Variants in SYTL2 observed in about 807,000 individuals in gnomAD.
SYTL2 encodes synaptotagmin like 2.
SYTL2 carries 165 observed loss-of-function variants against 198.7 expected under a neutral mutation model. The observed-to-expected ratio is 0.83, with a 90% CI of 0.73 to 0.94. The LOEUF is 0.94. Among genes scored for constraint, SYTL2 ranks in the 40% least tolerant of loss-of-function variants. The probability of loss-of-function intolerance (pLI) is 0.00; values close to 1 mark genes in which losing one functional copy is unlikely to be tolerated. For missense variants in SYTL2, 2,835 were observed against 2,582.8 expected, an observed-to-expected ratio of 1.10 and a Z score of -2.12; for synonymous variants, 966 against 917.7, an observed-to-expected ratio of 1.05 and a Z score of -0.95.
rs2089322245 is a variant in SYTL2 at position 85,727,413 on chromosome 11, A to G, written c.1945T>C (p.Tyr649His). ...CCTGGGCTTTTTGAATCTTGGCTAT[A>G]GTCCATATTTTTACTCCCTTGACTT... ...TPSQGSKNMD[Y>H]SQDSKSPGKG... Residue 649 changes from tyrosine (Y) to histidine (H), a missense_variant, in exon 8 of 20, where the codon TAT (tyrosine) becomes CAT (histidine). By Grantham distance (83) the Tyr-to-His change is moderately conservative. Transcript: ENST00000359152. 1.3e-6 allele frequency: 2 copies of G among 1,536,238 alleles called. No individual in the cohort carries two copies. Among genetic ancestry groups the G allele is most frequent in the African/African-American group, 2.7e-5 (2 of 73,046 alleles).
intron 4 of SYTL2, among the ~76,000 whole-genome samples, chr11:85,738,087 AAC>A (rs974486896): frequency 3.3e-5 from 5 of 152,076 alleles, no homozygotes; most frequent in Admixed American, 2.6e-4. Flanking sequence ...GAGCTTGGAA[AAC>A]ACCTTAGTTT....
At chr11:85,762,680 T>A (rs1480591555) in intron 1 of SYTL2, among the ~76,000 whole-genome samples, 1 of 152,214 alleles carries the variant, frequency 6.6e-6, no homozygotes, top group Non-Finnish European at 1.5e-5. Context: ...TGGAACAGCA[T>A]TTCCCTGGTT....
intron 7 of SYTL2, among the ~76,000 whole-genome samples, chr11:85,729,158 A>G (rs1220858310): frequency 6.6e-6 from 1 of 152,166 alleles, no homozygotes; most frequent in African/African-American, 2.4e-5. Context: ...TTAACACCCC[A>G]CTGTCAATAT....
chr11:85,760,795 G>A (rs2092075312), intron 1 of SYTL2, among the ~76,000 whole-genome samples: 1 of 152,148 alleles, frequency 6.6e-6, no homozygotes, highest in Admixed American at 6.5e-5. Flanking sequence ...AGCTCTGAGG[G>A]TTAAAATTTC....
chr11:85,799,727 G>C (rs1407652615), intron 1 of SYTL2, among the ~76,000 whole-genome samples: 2 of 152,038 alleles, frequency 1.3e-5, no homozygotes, highest in African/African-American at 4.8e-5. Context: ...CTTGGCACTT[G>C]ATCTCCCTTC....
chr11:85,794,145 C>T (rs1444777208), intron 1 of SYTL2, among the ~76,000 whole-genome samples: 1 of 152,028 alleles, frequency 6.6e-6, no homozygotes, highest in Non-Finnish European at 1.5e-5. Context: ...GCCAGGATTA[C>T]AGGCATAAGC....
intron 5 of SYTL2, among the ~76,000 whole-genome samples, chr11:85,736,875 T>A (rs1392423314): frequency 6.6e-6 from 1 of 152,176 alleles, no homozygotes; most frequent in Non-Finnish European, 1.5e-5. Context: ...AAATCCCACA[T>A]TTTACAGGTG....
chr11:85,763,444 G>T (rs1381369492), intron 1 of SYTL2, among the ~76,000 whole-genome samples: 1 of 152,116 alleles, frequency 6.6e-6, no homozygotes, highest in Non-Finnish European at 1.5e-5. Flanking sequence ...AGTGGATCTG[G>T]GCTTCTAACT....
chr11:85,818,659 A>ATCTG, the SYTL2 span, among the ~76,000 whole-genome samples: 2 of 143,880 alleles, frequency 1.4e-5, no homozygotes, highest in African/African-American at 5.5e-5. Flanking sequence ...ATAAATTACT[A>ATCTG]TCTATCTATC....
chr11:85,732,058 A>G (rs2089881716), intron 7 of SYTL2, among the ~76,000 whole-genome samples: 1 of 152,222 alleles, frequency 6.6e-6, no homozygotes, highest in African/African-American at 2.4e-5. Context: ...ATCTCACTCC[A>G]GTTAGAATGG....
At chr11:85,764,023 T>C (rs745379591) in intron 1 of SYTL2, among the ~76,000 whole-genome samples, 1 of 152,248 alleles carries the variant, frequency 6.6e-6, no homozygotes, top group Non-Finnish European at 1.5e-5. Context: ...AGGGCATCCA[T>C]GCCTAAAGCT....
At chr11:85,764,388 A>G (rs2092183189) in intron 1 of SYTL2, among the ~76,000 whole-genome samples, 1 of 152,182 alleles carries the variant, frequency 6.6e-6, no homozygotes, top group Non-Finnish European at 1.5e-5. Flanking sequence ...TCCACATCCC[A>G]TGGAAGAGAA....
chr11:85,763,357 C>T (rs1370543429), intron 1 of SYTL2, among the ~76,000 whole-genome samples: 1 of 152,190 alleles, frequency 6.6e-6, no homozygotes, highest in Non-Finnish European at 1.5e-5. Context: ...CTCTTCTTGT[C>T]AATTGTCCAA....
At position 85,727,817 on chromosome 11, in the gene SYTL2, G is replaced by A; in HGVS notation, c.1541C>T (p.Ser514Leu). 6.2e-7 allele frequency: 1 copy of A among 1,608,896 alleles called. No homozygotes were observed. Among genetic ancestry groups the A allele is most frequent in the Non-Finnish European group, 8.5e-7 (1 of 1,177,834 alleles). Residue 514 changes from serine to leucine, a missense_variant, in exon 8 of 20, where the codon TCA (serine) becomes TTA (leucine). This residue lies in a region of SYTL2 where 2,645 missense variants were observed against 2,381.7 expected (regional missense o/e 1.11). Coordinates refer to ENST00000359152, the MANE Select transcript of SYTL2 (RefSeq NM_206927.4). ...SGPYATEIKKSTDDSIFKVLD... is the reference protein window; with the variant it reads ...SGPYATEIKKLTDDSIFKVLD... ...AACTTTAAATATGGAATCATCAGTTGACTTCTTTATCTCAGTGGCATATGG... is the reference window on the plus strand; with the variant it reads ...AACTTTAAATATGGAATCATCAGTTAACTTCTTTATCTCAGTGGCATATGG...
At chr11:85,850,823 A>T in the SYTL2 span, among the ~76,000 whole-genome samples, 18 of 150,202 alleles carry the variant, frequency 1.2e-4, no homozygotes, top group Admixed American at 6.7e-4. Context: ...TGGCACATAT[A>T]CACCATGGAA....
the SYTL2 span, among the ~76,000 whole-genome samples, chr11:85,850,883 G>A: frequency 8.0e-5 from 12 of 150,122 alleles, no homozygotes; most frequent in African/African-American, 2.9e-4. Flanking sequence ...GTAGGGACAT[G>A]GATGAAATTG....
At chr11:85,695,696 T>A (rs1036041718) in intron 19 of SYTL2, among the ~76,000 whole-genome samples, 3 of 152,218 alleles carry the variant, frequency 2.0e-5, no homozygotes, top group African/African-American at 7.2e-5. Context: ...CAGACTCAAT[T>A]TTGAATCTTG....
chr11:85,752,945 A>AAC (rs2091621806), intron 2 of SYTL2, among the ~76,000 whole-genome samples: 1 of 142,434 alleles, frequency 7.0e-6, no homozygotes, highest in Non-Finnish European at 1.5e-5. Context: ...AAAAAAAAAA[A>AAC]AAAAAACACA....
chr11:85,747,459 T>A (rs1833517180), intron 3 of SYTL2, among the ~76,000 whole-genome samples: 2 of 152,172 alleles, frequency 1.3e-5, no homozygotes, highest in African/African-American at 2.4e-5. Context: ...TCCCATCAAT[T>A]CAGTAGATGG....
Sources: gnomAD v4.1 joint callset for allele counts (sites outside exome capture counted in the v4.1 genomes callset) on GRCh38, gnomAD v4.1.1 for gene constraint, gnomAD v4.1.1 regional missense constraint, MANE v1.5 for transcripts, NCBI Gene and HGNC (gene_info 2026-07-23, HGNC 2026-07-21) for gene names.